EP300: variants seen among roughly 807,000 people sequenced by gnomAD.
EP300 encodes the protein histone acetyltransferase p300.
A neutral mutation model predicts 264.0 loss-of-function variants in EP300; 31 were observed. The ratio of observed to expected loss-of-function variants is 0.12; its 90% CI spans 0.09 to 0.16. EP300 has a LOEUF of 0.16. Among genes scored for constraint, EP300 ranks in the 10% least tolerant of loss-of-function variants. EP300 has a pLI of 1.00. For missense variants in EP300, 2,766 were observed against 3,052.9 expected (o/e 0.91, Z 2.21); for synonymous variants, 1,340 against 1,045.4 (o/e 1.28, Z -5.44).
At chr22:41,121,614 T>C (rs1230519241) in intron 2 of EP300, among the ~76,000 whole-genome samples, 1 of 152,140 alleles carries the variant, frequency 6.6e-6, no homozygotes, top group African/African-American at 2.4e-5. Flanking sequence ...TAGAGGAGCT[T>C]GGAGTTTCCA....
At chr22:41,157,444 C>G (rs760672859) in intron 18 of EP300, 36 bp downstream of exon 18, 3 of 1,578,408 alleles carry the variant, frequency 1.9e-6, no homozygotes, top group Admixed American at 3.4e-5. Context: ...TTTAACTTTT[C>G]TGGGATACCT....
At position 41,098,520 on chromosome 22, in the gene EP300, C is replaced by T. The variant is rs544519698; in HGVS notation, c.94+5422C>T. On this transcript the variant is annotated intron_variant, in intron 1 of 30. Transcript: ENST00000263253. ...CCGAGTAGCTGGGACTACAGGCGCC[C>T]GCCACCACACCCGGCTAATTTTTTG... Among the ~76,000 whole-genome samples, 166 of 152,036 alleles carry T rather than the reference C, an allele frequency of 1.1e-3. 1 individual carries two copies. Among genetic ancestry groups the T allele is most frequent in the Non-Finnish European group, 2.2e-3 (150 of 67,938 alleles).
At chr22:41,140,096 A>T in intron 8 of EP300, 44 bp from the exon 9 acceptor site, 1 of 1,376,464 alleles carries the variant, frequency 7.3e-7, no homozygotes, top group Admixed American at 1.7e-5. Flanking sequence ...AATACTAATT[A>T]AATGCTGACA....
chr22:41,149,490 C>G (rs181481723), intron 13 of EP300, among the ~76,000 whole-genome samples: 83 of 152,192 alleles, frequency 5.5e-4, no homozygotes, highest in African/African-American at 1.9e-3. Flanking sequence ...TAGGCAGGCC[C>G]TAGAGCACTC....
Position 41,160,480 on chromosome 22 carries a change from G to T in EP300, c.3591-162G>T, listed in dbSNP as rs952334954. ...AAAAAACCAAAACCCAAACTGTGGG[G>T]CCCATATATCTGCATCATTGAATGT... On this transcript the variant is annotated intron_variant, in intron 19 of 30. Coordinates refer to ENST00000263253, the MANE Select transcript of EP300 (RefSeq NM_001429.4). 3.0e-4 allele frequency: 193 copies of T among 641,226 alleles called. 1 individual carries two copies. Among genetic ancestry groups the T allele is most frequent in the Non-Finnish European group, 1.2e-4 (43 of 355,578 alleles). 39.7% of individuals were successfully genotyped at this position (641,226 alleles called of 1,614,324 possible). A position where few individuals can be genotyped will look rare whatever the true frequency, so the allele number is the denominator to read the frequency against.
intron 1 of EP300, among the ~76,000 whole-genome samples, chr22:41,115,945 G>A (rs1260075015): frequency 6.6e-6 from 1 of 152,194 alleles, no homozygotes; most frequent in Non-Finnish European, 1.5e-5. Flanking sequence ...CAAATGACAG[G>A]TCTTTTGTAT....
intron 3 of EP300, chr22:41,126,297 G>GGCCT: frequency 4.6e-6 from 2 of 432,920 alleles, no homozygotes; most frequent in African/African-American, 4.0e-5. Flanking sequence ...AAGTTTTAGG[G>GGCCT]GCCTGCCATT....
chr22:41,121,865 T>G (rs1033307794), intron 2 of EP300, among the ~76,000 whole-genome samples: 2 of 152,216 alleles, frequency 1.3e-5, no homozygotes, highest in Non-Finnish European at 2.9e-5. Flanking sequence ...TTGTTTGTCA[T>G]GCGGGTTCTG....
chr22:41,123,698 G>A (rs976388598), intron 2 of EP300, among the ~76,000 whole-genome samples: 3 of 152,306 alleles, frequency 2.0e-5, no homozygotes, highest in Middle Eastern at 3.4e-3. Context: ...TAGTAGTGAT[G>A]ATGACTTGTA....
chr22:41,155,282 G>A (rs2059070639), intron 17 of EP300, among the ~76,000 whole-genome samples, 169 bp downstream of exon 17: 1 of 151,820 alleles, frequency 6.6e-6, no homozygotes, highest in South Asian at 2.1e-4. Flanking sequence ...AGGCTGGAGT[G>A]CAGTGGCACG....
intron 22 of EP300, among the ~76,000 whole-genome samples, chr22:41,166,340 A>G (rs576425683): frequency 6.6e-6 from 1 of 152,254 alleles, no homozygotes; most frequent in African/African-American, 2.4e-5. Context: ...ACCTATCTTG[A>G]TTTGTAATCC....
chr22:41,139,498 A>G (rs1297513513), intron 8 of EP300, among the ~76,000 whole-genome samples: 10 of 152,184 alleles, frequency 6.6e-5, no homozygotes, highest in Admixed American at 4.6e-4. Context: ...TTCCATTTAT[A>G]TCTTCTTGAT....
At chr22:41,105,426 TCTCA>T (rs1177204958) in intron 1 of EP300, among the ~76,000 whole-genome samples, 2 of 150,726 alleles carry the variant, frequency 1.3e-5, no homozygotes, top group East Asian at 3.9e-4. Flanking sequence ...TGAGATGGAG[TCTCA>T]CTCTGTCATC....
chr22:41,155,730 T>C (rs1320299412), intron 17 of EP300, among the ~76,000 whole-genome samples: 1 of 152,216 alleles, frequency 6.6e-6, no homozygotes, highest in Non-Finnish European at 1.5e-5. Context: ...ATACAGTATG[T>C]GATTCTTTGT....
intron 2 of EP300, among the ~76,000 whole-genome samples, chr22:41,118,965 C>T (rs1248794200): frequency 6.7e-6 from 1 of 148,946 alleles, no homozygotes; most frequent in African/African-American, 2.5e-5. Flanking sequence ...TTTAGCATTC[C>T]TTTGTAGATT....
At chr22:41,145,360 A>G (rs1156701222) in intron 10 of EP300, among the ~76,000 whole-genome samples, 1 of 152,192 alleles carries the variant, frequency 6.6e-6, no homozygotes, top group Non-Finnish European at 1.5e-5. Flanking sequence ...TTCCTCTCTC[A>G]GTTTTGCTCA....
At chr22:41,158,789 C>G in intron 19 of EP300, 1 of 412,340 alleles carries the variant, frequency 2.4e-6, no homozygotes, top group Non-Finnish European at 4.5e-6. Context: ...ACTTCTCTTT[C>G]TACTGTGTGT....
chr22:41,147,773 TTCTA>T, intron 11 of EP300, 60 bp from the exon 12 acceptor site: 2 of 1,129,678 alleles, frequency 1.8e-6, no homozygotes, highest in East Asian at 2.4e-5. Flanking sequence ...GACATAAGAA[TTCTA>T]TCTTTTATTA....
chr22:41,104,127 C>T (rs1193859667), intron 1 of EP300, among the ~76,000 whole-genome samples: 1 of 151,822 alleles, frequency 6.6e-6, no homozygotes, highest in Non-Finnish European at 1.5e-5. Context: ...TCTAGGATTC[C>T]CTGTAGGCCT....
Sources: gnomAD v4.1 joint callset for allele counts (sites outside exome capture counted in the v4.1 genomes callset) on GRCh38, gnomAD v4.1.1 for gene constraint, MANE v1.5 for transcripts, NCBI Gene and HGNC (gene_info 2026-07-23, HGNC 2026-07-21) for gene names.